MRPL9: variants seen among roughly 807,000 people sequenced by gnomAD.
MRPL9 encodes mitochondrial ribosomal protein L9.
In MRPL9, 25 loss-of-function variants were observed where a neutral mutation model predicts 27.6. That is an observed-to-expected ratio of 0.91 (90% confidence interval 0.66 to 1.27). The LOEUF is 1.27. Ranked by LOEUF, MRPL9 falls within the 50% of genes most tolerant of loss-of-function variation. The pLI, the probability that MRPL9 is intolerant of heterozygous loss-of-function variation, is 0.00. For synonymous variants in MRPL9, 154 were observed against 139.0 expected (o/e 1.11, Z -0.76); for missense variants, 362 against 338.0 (o/e 1.07, Z -0.56).
intron 2 of MRPL9, chr1:151,762,725 T>C (rs1035972170): frequency 9.3e-6 from 6 of 645,912 alleles, no homozygotes; most frequent in South Asian, 4.3e-5. Context: ...TGTCGTCCCA[T>C]GGAGGATTTC....
Position 151,762,365 on chromosome 1 carries a change from T to G in MRPL9, c.435+11A>C. Reference sequence around the variant, plus strand: ...TCTCCCCAAGTCTCTCTGTCCTTCCTTTGAGCTCACCAATTTCTCCTCTTC... The same window carrying G: ...TCTCCCCAAGTCTCTCTGTCCTTCCGTTGAGCTCACCAATTTCTCCTCTTC... On this transcript the variant is annotated intron_variant, in intron 3 of 6. Coordinates refer to ENST00000368830, the MANE Select transcript of MRPL9 (RefSeq NM_031420.4). The G allele has an allele frequency of 1.9e-6, 3 of 1,614,114 alleles. No individual in the cohort carries two copies. Among genetic ancestry groups the G allele is most frequent in the Non-Finnish European group, 2.5e-6 (3 of 1,180,032 alleles).
At chr1:151,761,938 G>A (rs1056667718) in intron 4 of MRPL9, 167 bp downstream of exon 4, 2 of 660,522 alleles carry the variant, frequency 3.0e-6, no homozygotes, top group Non-Finnish European at 5.3e-6. Flanking sequence ...AACACATCAG[G>A]GATCTCCCAA....
At chr1:151,760,781 A>G (rs766237242) in intron 6 of MRPL9, 35 bp downstream of exon 6, 1 of 1,527,450 alleles carries the variant, frequency 6.5e-7, no homozygotes, top group Admixed American at 2.2e-5. Flanking sequence ...GAAAAGGAGA[A>G]AGAAAAGAAA....
Position 151,759,877 on chromosome 1 carries a change from G to T in MRPL9, c.*173C>A. ...GGACTTCCCTGCCCCAGTGATGACA[G>T]TTAAAGATGGCAAAAATGAAGAATT... On this transcript the variant is annotated 3_prime_UTR_variant, in exon 7 of 7. Coordinates refer to ENST00000368830, the MANE Select transcript of MRPL9 (RefSeq NM_031420.4). The T allele has an allele frequency of 1.2e-6, 1 of 842,844 alleles. No homozygotes were observed. The highest frequency in any genetic ancestry group is 1.7e-6 in the Non-Finnish European group (1 of 581,976). The allele number at this position is 842,844 out of a possible 1,614,324, so 52.2% of individuals were successfully genotyped here. A position where few individuals can be genotyped will look rare whatever the true frequency, so the allele number is the denominator to read the frequency against.
chr1:151,760,147 G>C lies in MRPL9; in HGVS notation c.707C>G (p.Ser236Cys), dbSNP rs1647998028. 1 of 1,614,068 alleles carries C rather than the reference G, an allele frequency of 6.2e-7. No homozygotes were observed. Among genetic ancestry groups the C allele is most frequent in the Admixed American group, 1.7e-5 (1 of 59,994 alleles). ...NGLDTVRVPM[S>C]VVNFEKPKTK... is the part of the protein sequence containing the mutation. ...CTTGGGCTTCTCAAAGTTCACGACA[G>C]ACATAGGCACTCTCACAGTATCAAG... Residue 236 changes from serine (S) to cysteine (C), a missense_variant, in exon 7 of 7, where the codon TCT becomes TGT. Coordinates refer to ENST00000368830, the MANE Select transcript of MRPL9 (RefSeq NM_031420.4).
chr1:151,763,435 C>G lies in MRPL9; in HGVS notation c.45G>C (p.Arg15=). The part of the protein sequence containing the change: ...VVTAPGRALL[R]AGAGRLLRGG... ...CCCGAAGCAGCCGTCCAGCGCCCGC[C>G]CGCAGCAGAGCTCTGCCCGGGGCCG... The change falls in exon 1 of 7, where the codon CGG becomes CGC. Residue 15 remains arginine (R), a synonymous_variant. Transcript: ENST00000368830. 3 of 1,569,152 alleles carry G rather than the reference C, an allele frequency of 1.9e-6. No individual in the cohort carries two copies. In the South Asian group the frequency reaches 3.5e-5, roughly 18 times the overall value.
rs1465964542 is a variant in MRPL9 at position 151,762,171 on chromosome 1, A to G, written c.436-16T>C. 7.4e-6 allele frequency: 12 copies of G among 1,613,982 alleles called. No homozygotes were observed. Among genetic ancestry groups the G allele is most frequent in the Non-Finnish European group, 1.0e-5 (12 of 1,179,808 alleles). On this transcript the variant is annotated splice_polypyrimidine_tract_variant and intron_variant, in intron 3 of 6. Transcript: ENST00000368830. ...CTTGTCTCAGCTAGAAAAGAAAGTT[A>G]AAGATGAAAAGCAGTAAAAGAAAAA...
Position 151,760,149 on chromosome 1 carries a change from CAT to C in MRPL9, c.703_704del (p.Met235ValfsTer6). 6.2e-7 allele frequency: 1 copy of C among 1,614,172 alleles called. No homozygotes were observed. Among genetic ancestry groups the C allele is most frequent in the Non-Finnish European group, 8.5e-7 (1 of 1,180,022 alleles). On this transcript the variant is annotated frameshift_variant, in exon 7 of 7. Transcript: ENST00000368830. LOFTEE classifies it low-confidence loss of function (END_TRUNC). ...VNGLDTVRVPMSVVNFEKPKT... is the reference protein window; with the variant it reads ...VNGLDTVRVPXSVVNFEKPKT... Reference sequence around the variant, plus strand: ...TGGGCTTCTCAAAGTTCACGACAGACATAGGCACTCTCACAGTATCAAGCCCA... The same window carrying C: ...TGGGCTTCTCAAAGTTCACGACAGACAGGCACTCTCACAGTATCAAGCCCA...
At chr1:151,760,231 T>C (rs1331617582) in intron 6 of MRPL9, 50 bp from the exon 7 acceptor site, 16 of 1,609,464 alleles carry the variant, frequency 9.9e-6, no homozygotes, top group Non-Finnish European at 1.2e-5. Flanking sequence ...GTAAGTAAGA[T>C]TTAGCACCAC....
chr1:151,761,739 T>C (rs1648093016), intron 4 of MRPL9, among the ~76,000 whole-genome samples, 187 bp from the exon 5 acceptor site: 1 of 152,146 alleles, frequency 6.6e-6, no homozygotes, highest in Non-Finnish European at 1.5e-5. Context: ...AAACCCTGTC[T>C]CTACCAAAAA....
At chr1:151,762,772 A>C (rs1648159292) in intron 2 of MRPL9, 3 of 689,028 alleles carry the variant, frequency 4.4e-6, no homozygotes, top group Non-Finnish European at 2.4e-6. Context: ...TCCTCTCCCC[A>C]CACACTGTTA....
In MRPL9 at chr1:151,760,867, C is replaced by T. The variant is rs1457618706; in HGVS notation, c.621G>A (p.Lys207=). ...LGVVVAPHTL[K]LPEEPITRWG... ...ACCGTGTGATAGGCTCTTCTGGTAA[C>T]TTTAATGTATGTGGGGCAACCACAA... The change falls in exon 6 of 7, where the codon AAG becomes AAA. Residue 207 remains lysine, a synonymous_variant. Transcript: ENST00000368830. 2 of 1,504,652 alleles carry T rather than the reference C, an allele frequency of 1.3e-6. No individual in the cohort carries two copies. The highest frequency in any genetic ancestry group is 1.2e-5 in the South Asian group (1 of 85,386). 93.2% of individuals were successfully genotyped at this position (1,504,652 alleles called of 1,614,324 possible). A position where few individuals can be genotyped will look rare whatever the true frequency, so the allele number is the denominator to read the frequency against.
At position 151,763,428 on chromosome 1, in the gene MRPL9, C is replaced by T. The variant is rs1648217564; in HGVS notation, c.52G>A (p.Ala18Thr). 1.0e-5 allele frequency: 16 copies of T among 1,565,914 alleles called. No homozygotes were observed. Among genetic ancestry groups the T allele is most frequent in the African/African-American group, 1.4e-5 (1 of 73,784 alleles). The change falls in exon 1 of 7, where the codon GCT becomes ACT. Residue 18 changes from alanine (A) to threonine (T), a missense_variant. By Grantham distance (58) the Ala-to-Thr change is moderately conservative. Coordinates refer to ENST00000368830, the MANE Select transcript of MRPL9 (RefSeq NM_031420.4). ...APGRALLRAG[A>T]GRLLRGGVQE... ...ACGCCTCCCCGAAGCAGCCGTCCAG[C>T]GCCCGCCCGCAGCAGAGCTCTGCCC... is the stretch of plus-strand genomic sequence containing the variant.
intron 5 of MRPL9, 27 bp from the exon 6 acceptor site, chr1:151,760,926 A>AAAAAAAAAAAAAAAAAC: frequency 1.1e-5 from 16 of 1,419,394 alleles, no homozygotes; most frequent in Admixed American, 4.5e-5. Flanking sequence ...AAAAAAAAAA[A>AAAAAAAAAAAAAAAAAC]TCTCAGCTCA....
chr1:151,760,903 C>CAAAAAAAAAAAAAAAAAAAA lies in MRPL9; in HGVS notation c.589-24_589-5dup, dbSNP rs755031728. 178 of 953,746 alleles carry CAAAAAAAAAAAAAAAAAAAA rather than the reference C, an allele frequency of 1.9e-4. 1 individual carries two copies. Among genetic ancestry groups the CAAAAAAAAAAAAAAAAAAAA allele is most frequent in the South Asian group, 2.9e-4 (13 of 45,502 alleles). The allele number at this position is 953,746 out of a possible 1,614,324, so 59.1% of individuals were successfully genotyped here. ...GTGGGGCAACCACAACACCAAGCTG[C>CAAAAAAAAAAAAAAAAAAAA]AAAAAAAAAAAAAAAAAAAAAAATC... On this transcript the variant is annotated splice_polypyrimidine_tract_variant and splice_region_variant and intron_variant, in intron 5 of 6. Transcript: ENST00000368830.
At position 151,762,432 on chromosome 1, in the gene MRPL9, C is replaced by G; in HGVS notation, c.379G>C (p.Gly127Arg). 6.2e-7 allele frequency: 1 copy of G among 1,614,092 alleles called. No individual in the cohort carries two copies. The highest frequency in any genetic ancestry group is 8.5e-7 in the Non-Finnish European group (1 of 1,180,008). Reference protein sequence around the residue: ...SLGRNRLLPQGLAVYASPENK... With the variant: ...SLGRNRLLPQRLAVYASPENK... ...TCAGGGGATGCATATACAGCCAGTC[C>G]CTGAGGAAGGAGTCGATTCCGGCCT... Residue 127 changes from glycine (G) to arginine (R), a missense_variant, in exon 3 of 7, where the codon GGA becomes CGA. Coordinates refer to ENST00000368830, the MANE Select transcript of MRPL9 (RefSeq NM_031420.4).
chr1:151,759,762 T>G lies in MRPL9; in HGVS notation c.*288A>C. The G allele has an allele frequency of 3.3e-6, 1 of 301,038 alleles. No homozygotes were observed. Among genetic ancestry groups the G allele is most frequent in the South Asian group, 6.6e-5 (1 of 15,114 alleles). 18.6% of individuals were successfully genotyped at this position (301,038 alleles called of 1,614,324 possible). ...GGCTCTCCTGTTTGTCCCAATAAAC[T>G]CCAATGGAGGAAGAAGCTAAACAGG... On this transcript the variant is annotated 3_prime_UTR_variant, in exon 7 of 7. Coordinates refer to ENST00000368830, the MANE Select transcript of MRPL9 (RefSeq NM_031420.4).
rs1425994129 is a variant in MRPL9 at position 151,761,470 on chromosome 1, G to A, written c.569C>T (p.Ala190Val). ...ACTCACATTCTTAAAGAAGTGGCGG[G>A]CAACTATTTCAGGGTTCAGCTCCCA... Reference protein sequence around the residue: ...VKWELNPEIVARHFFKNLGVV... With the variant: ...VKWELNPEIVVRHFFKNLGVV... The change falls in exon 5 of 7, where the codon GCC (alanine) becomes GTC (valine). Residue 190 changes from alanine to valine, a missense_variant. Physicochemically the swap from Ala to Val is moderately conservative, Grantham distance 64. Transcript: ENST00000368830. 1 of 1,613,666 alleles carries A rather than the reference G, an allele frequency of 6.2e-7. No individual in the cohort carries two copies. The highest frequency in any genetic ancestry group is 1.1e-5 in the South Asian group (1 of 91,084).
At chr1:151,762,780 T>C in intron 2 of MRPL9, 1 of 708,090 alleles carries the variant, frequency 1.4e-6, no homozygotes. Context: ...CCACACACTG[T>C]TAATGATGTT....
Sources: allele counts gnomAD v4.1 joint callset (sites outside exome capture counted in the v4.1 genomes callset), GRCh38; gene constraint gnomAD v4.1.1; transcripts MANE v1.5; gene names NCBI Gene and HGNC (gene_info 2026-07-23, HGNC 2026-07-21).